Variants in PLEKHM3 observed in about 807,000 individuals in gnomAD.
The protein encoded by PLEKHM3 is pleckstrin homology domain-containing family M member 3.
PLEKHM3 carries 45 observed loss-of-function variants against 81.8 expected under a neutral mutation model. The ratio of observed to expected loss-of-function variants is 0.55; its 90% CI spans 0.43 to 0.71. PLEKHM3 has a LOEUF of 0.71. Among genes scored for constraint, PLEKHM3 ranks in the 30% least tolerant of loss-of-function variants. The probability of loss-of-function intolerance (pLI) is 0.00; values close to 1 mark genes in which losing one functional copy is unlikely to be tolerated. For missense variants in PLEKHM3, 788 were observed against 924.3 expected, an observed-to-expected ratio of 0.85 and a Z score of 1.91; for synonymous variants, 352 against 356.4, an observed-to-expected ratio of 0.99 and a Z score of 0.14.
intron 3 of PLEKHM3, among the ~76,000 whole-genome samples, chr2:207,952,116 T>A (rs557170709): frequency 6.6e-6 from 1 of 151,610 alleles, no homozygotes; most frequent in Non-Finnish European, 1.5e-5. Context: ...CAAGGGCAAA[T>A]AAAAAAGAAA....
intron 7 of PLEKHM3, among the ~76,000 whole-genome samples, chr2:207,841,370 C>T (rs910076252): frequency 5.7e-5 from 8 of 140,814 alleles, no homozygotes; most frequent in South Asian, 2.4e-4. Context: ...GAGGCTGAGG[C>T]GCGATAATCG....
At chr2:207,861,941 C>T (rs144956555) in intron 6 of PLEKHM3, among the ~76,000 whole-genome samples, 5 of 152,204 alleles carry the variant, frequency 3.3e-5, no homozygotes, top group South Asian at 4.1e-4. Context: ...TTGGATTCAA[C>T]GTGATGATGA....
At chr2:207,985,595 G>A (rs149749087) in intron 2 of PLEKHM3, among the ~76,000 whole-genome samples, 1,728 of 152,068 alleles carry the variant, frequency 0.011, 86 homozygotes, top group Admixed American at 0.084. Context: ...TTCAGATAAA[G>A]TAATTAGGTA....
chr2:207,873,253 G>A (rs2092544150), intron 6 of PLEKHM3, among the ~76,000 whole-genome samples: 1 of 152,100 alleles, frequency 6.6e-6, no homozygotes, highest in East Asian at 1.9e-4. Flanking sequence ...GCTCAATGAA[G>A]CTGATTGAGA....
chr2:208,001,432 C>A lies in PLEKHM3; in HGVS notation c.208G>T (p.Gly70Cys). The change falls in exon 2 of 8, where the codon GGC (glycine) becomes TGC (cysteine). Residue 70 changes from glycine to cysteine, a missense_variant. By Grantham distance (159) the Gly-to-Cys change is radical (BLOSUM62 -3). Transcript: ENST00000427836. ...MRNVTSLGKG[G>C]MIWDHCKSRL... is the part of the protein sequence containing the mutation. The stretch of plus-strand genomic sequence containing the variant: ...CTCTTACAGTGGTCCCAAATCATGC[C>A]CCCCTTGCCCAGGGAGGTGACATTT... 6.2e-7 allele frequency: 1 copy of A among 1,614,122 alleles called. No homozygotes were observed.
At chr2:207,996,905 A>C (rs1226067189) in intron 2 of PLEKHM3, among the ~76,000 whole-genome samples, 1 of 152,184 alleles carries the variant, frequency 6.6e-6, no homozygotes, top group Non-Finnish European at 1.5e-5. Flanking sequence ...TAAGTGTTCA[A>C]GTGTACTGAA....
chr2:207,851,740 C>CAAAAAAAAAAA (rs10605219), intron 7 of PLEKHM3: 34 of 64,306 alleles, frequency 5.3e-4, no homozygotes, highest in African/African-American at 2.0e-3. Flanking sequence ...AACTCCATCT[C>CAAAAAAAAAAA]AAAAAAAAAA....
chr2:207,828,619 G>A lies in PLEKHM3; in HGVS notation c.2109-123C>T. On this transcript the variant is annotated intron_variant, in intron 7 of 7. Transcript: ENST00000427836. ...ACTGTTCTGGACAACCCTGCCAATGGGAAGGGAGATGACTCACTGAAATGA... is the reference window on the plus strand; with the variant it reads ...ACTGTTCTGGACAACCCTGCCAATGAGAAGGGAGATGACTCACTGAAATGA... The A allele has an allele frequency of 6.9e-6, 6 of 874,194 alleles. No homozygotes were observed. In the South Asian group the frequency reaches 9.0e-5, roughly 13 times the overall value. 54.2% of individuals were successfully genotyped at this position (874,194 alleles called of 1,614,324 possible).
chr2:207,870,816 A>C (rs1246462937), intron 6 of PLEKHM3, among the ~76,000 whole-genome samples: 1 of 152,218 alleles, frequency 6.6e-6, no homozygotes, highest in Non-Finnish European at 1.5e-5. Context: ...AAAATAGAAA[A>C]TGAAAAGTAA....
intron 4 of PLEKHM3, among the ~76,000 whole-genome samples, chr2:207,939,646 G>A (rs1471459849): frequency 6.6e-6 from 1 of 152,172 alleles, no homozygotes. Context: ...CTTATGAACT[G>A]GGTTCTATTA....
intron 5 of PLEKHM3, among the ~76,000 whole-genome samples, chr2:207,919,568 G>C (rs556801829): frequency 3.9e-5 from 6 of 152,174 alleles, no homozygotes; most frequent in Admixed American, 3.3e-4. Context: ...AAGCTGACAG[G>C]TTTGCCGACT....
chr2:207,824,830 C>T lies in PLEKHM3; in HGVS notation c.*3489G>A, dbSNP rs2092239638. 1 of 152,176 alleles carries T rather than the reference C, an allele frequency of 6.6e-6. No individual in the cohort carries two copies. Among genetic ancestry groups the T allele is most frequent in the African/African-American group, 2.4e-5 (1 of 41,432 alleles). The allele number at this position is 152,176 out of a possible 1,614,324, so 9.4% of individuals were successfully genotyped here. A position where few individuals can be genotyped will look rare whatever the true frequency, so the allele number is the denominator to read the frequency against. ...CACTGCAGCCGGAAGGAAGTCACGG[C>T]ATAGTCCCTTTTCAGGAGTCTGAGG... On this transcript the variant is annotated 3_prime_UTR_variant, in exon 8 of 8. Transcript: ENST00000427836.
At chr2:207,881,443 G>A (rs2092590855) in intron 6 of PLEKHM3, among the ~76,000 whole-genome samples, 1 of 152,092 alleles carries the variant, frequency 6.6e-6, no homozygotes, top group African/African-American at 2.4e-5. Flanking sequence ...ACATCATTAT[G>A]GGGGTCTTAC....
At chr2:207,907,228 G>C (rs908487036) in intron 6 of PLEKHM3, among the ~76,000 whole-genome samples, 1 of 152,150 alleles carries the variant, frequency 6.6e-6, no homozygotes, top group Admixed American at 6.5e-5. Context: ...GTGGCCAGGC[G>C]TGGTAGCTCA....
chr2:207,934,199 T>C (rs1689676211), intron 4 of PLEKHM3, among the ~76,000 whole-genome samples: 1 of 152,226 alleles, frequency 6.6e-6, no homozygotes, highest in Non-Finnish European at 1.5e-5. Flanking sequence ...TCATGAATTA[T>C]ATGTGAACAC....
intron 5 of PLEKHM3, among the ~76,000 whole-genome samples, chr2:207,922,229 T>G (rs539848085): frequency 2.0e-5 from 3 of 152,210 alleles, no homozygotes; most frequent in Non-Finnish European, 2.9e-5. Flanking sequence ...ATTTCCCTGA[T>G]GTTTAGTGAT....
intron 7 of PLEKHM3, among the ~76,000 whole-genome samples, chr2:207,846,082 G>C (rs973662685): frequency 2.6e-5 from 4 of 152,174 alleles, no homozygotes; most frequent in African/African-American, 9.7e-5. Context: ...GCTTGTCAAA[G>C]GTCACACAAA....
chr2:207,928,084 A>G (rs1478834791), intron 5 of PLEKHM3, among the ~76,000 whole-genome samples: 2 of 152,216 alleles, frequency 1.3e-5, no homozygotes, highest in Non-Finnish European at 2.9e-5. Context: ...TTACTAGCAC[A>G]CTTTTCTCTG....
Position 207,931,014 on chromosome 2 carries a change from C to G in PLEKHM3, c.1798G>C (p.Ala600Pro). 6.2e-7 allele frequency: 1 copy of G among 1,613,986 alleles called. No homozygotes were observed. Among genetic ancestry groups the G allele is most frequent in the Non-Finnish European group, 8.5e-7 (1 of 1,179,872 alleles). The part of the protein sequence containing the change: ...MLYHHAEPLA[A>P]VLRLRQRLKS... ...AGCCGCTGCCGCAGCCGCAGCACGG[C>G]GGCCAGCGGCTCTGCGTGGTGGTAC... The change falls in exon 5 of 8, where the codon GCC becomes CCC. Residue 600 changes from alanine (A) to proline (P), a missense_variant. By Grantham distance (27) the Ala-to-Pro change is conservative. Coordinates refer to ENST00000427836, the MANE Select transcript of PLEKHM3 (RefSeq NM_001080475.3).
Sources: allele counts gnomAD v4.1 joint callset (sites outside exome capture counted in the v4.1 genomes callset), GRCh38; gene constraint gnomAD v4.1.1; transcripts MANE v1.5; gene names NCBI Gene and HGNC (gene_info 2026-07-23, HGNC 2026-07-21).